The following CFAP99 variants were observed in gnomAD, a reference collection of about 807,000 sequenced individuals.
CFAP99 encodes cilia- and flagella-associated protein 99.
Under a neutral mutation model 82.7 loss-of-function variants are expected in CFAP99, and 84 were observed. The ratio of observed to expected loss-of-function variants is 1.02; its 90% CI spans 0.85 to 1.22. CFAP99 has a LOEUF of 1.22. CFAP99 is among the 50% of genes most tolerant of loss of function. CFAP99 has a pLI of 0.00. For synonymous variants in CFAP99, 456 were observed against 429.5 expected (o/e 1.06, Z -0.76); for missense variants, 1,059 against 983.5 (o/e 1.08, Z -1.03).
At chr4:2,459,550 G>A (rs565371085) in intron 13 of CFAP99, among the ~76,000 whole-genome samples, 1 of 152,334 alleles carries the variant, frequency 6.6e-6, no homozygotes, top group South Asian at 2.1e-4. Flanking sequence ...GTTGAGGGAG[G>A]GCCAGGGTGG....
At chr4:2,458,097 C>G (rs1001054663) in intron 11 of CFAP99, among the ~76,000 whole-genome samples, 3 of 152,218 alleles carry the variant, frequency 2.0e-5, no homozygotes, top group Non-Finnish European at 4.4e-5. Flanking sequence ...GCCTGAGGCG[C>G]CCAGCCGTCT....
intron 2 of CFAP99, chr4:2,426,832 G>A (rs763017967): frequency 2.3e-4 from 115 of 500,592 alleles, no homozygotes; most frequent in Non-Finnish European, 3.7e-4. Context: ...TCCACACTGC[G>A]GTTCCATCCT....
At chr4:2,459,197 C>A in exon 13 of CFAP99, 1 of 1,535,714 alleles carries the variant, frequency 6.5e-7, no homozygotes, top group Non-Finnish European at 8.7e-7. Context: ...GAACTCATCT[C>A]CCAGCTGCGC....
At chr4:2,455,084 G>A (rs747323457) in intron 11 of CFAP99, among the ~76,000 whole-genome samples, 1 of 152,216 alleles carries the variant, frequency 6.6e-6, no homozygotes, top group Non-Finnish European at 1.5e-5. Context: ...CTTTTTAGGA[G>A]AGACACAGTT....
In CFAP99 at chr4:2,462,702, G is replaced by C; in HGVS notation, c.1921G>C (p.Gly641Arg). 1.6e-6 allele frequency: 2 copies of C among 1,253,310 alleles called. No individual in the cohort carries two copies. The highest frequency in any genetic ancestry group is 2.0e-6 in the Non-Finnish European group (2 of 997,924). The allele number at this position is 1,253,310 out of a possible 1,614,324, so 77.6% of individuals were successfully genotyped here. A position where few individuals can be genotyped will look rare whatever the true frequency, so the allele number is the denominator to read the frequency against. ...CGCAGGGACCGGCGTCCCGGGGCGGGGATGGCGGGGAGATCGGGTCCGGTC... is the reference window on the plus strand; with the variant it reads ...CGCAGGGACCGGCGTCCCGGGGCGGCGATGGCGGGGAGATCGGGTCCGGTC... Residue 641 changes from glycine (G) to arginine (R), a missense_variant, in exon 15 of 15, where the codon GGA (glycine) becomes CGA (arginine). Coordinates refer to ENST00000635017, the Ensembl canonical transcript of CFAP99. This position sits in a 1 kb window ranked among gnomAD's most constrained non-coding sequence, Gnocchi z 4.1.
intron 1 of CFAP99, among the ~76,000 whole-genome samples, chr4:2,424,872 T>C (rs571736631): frequency 6.6e-6 from 1 of 152,342 alleles, no homozygotes; most frequent in South Asian, 2.1e-4. Flanking sequence ...AAGCTGCCAG[T>C]GGGCCTTGTC....
At chr4:2,419,131 G>C (rs889916890) in intron 1 of CFAP99, 38 bp downstream of exon 1, 2 of 152,164 alleles carry the variant, frequency 1.3e-5, no homozygotes, top group African/African-American at 4.8e-5. Flanking sequence ...ACGCGCCGCC[G>C]ATTTTCATGA....
At chr4:2,461,759 G>A (rs996513247) in intron 14 of CFAP99, among the ~76,000 whole-genome samples, 3 of 152,092 alleles carry the variant, frequency 2.0e-5, no homozygotes, top group African/African-American at 7.2e-5. Flanking sequence ...ATATCCTAAG[G>A]CTGTGAGGTC....
At chr4:2,449,690 G>A (rs763706120) in exon 7 of CFAP99, 2 of 1,536,008 alleles carry the variant, frequency 1.3e-6, no homozygotes, top group South Asian at 2.4e-5. Context: ...GCACCTACCA[G>A]CCACCCAAGG....
At chr4:2,460,333 AC>A (rs780431953) in intron 14 of CFAP99, 91 bp downstream of exon 14, 16 of 1,134,988 alleles carry the variant, frequency 1.4e-5, no homozygotes, top group Non-Finnish European at 1.9e-5. Context: ...TCTCCTAGAA[AC>A]AACCACCACC....
chr4:2,457,838 T>C (rs1734472487), intron 11 of CFAP99, among the ~76,000 whole-genome samples: 1 of 152,194 alleles, frequency 6.6e-6, no homozygotes. Flanking sequence ...CCTTGCTAGG[T>C]GTTGGCCCTG....
chr4:2,460,758 T>G (rs941979541), intron 14 of CFAP99, among the ~76,000 whole-genome samples: 3 of 152,148 alleles, frequency 2.0e-5, no homozygotes, highest in Non-Finnish European at 2.9e-5. Context: ...TTGTTTTTGT[T>G]TTTGTTTTTT....
chr4:2,459,061 G>T, intron 12 of CFAP99, 46 bp from the exon 13 acceptor site: 4 of 1,475,440 alleles, frequency 2.7e-6, no homozygotes, highest in African/African-American at 1.4e-5. Context: ...TCCAGCCCCT[G>T]CCCTGCCACC....
chr4:2,420,357 C>G (rs1269207822), intron 1 of CFAP99, among the ~76,000 whole-genome samples: 7 of 152,162 alleles, frequency 4.6e-5, no homozygotes, highest in Admixed American at 3.9e-4. Flanking sequence ...ACCATTTGGA[C>G]GCCTAACAGA....
chr4:2,426,095 C>T (rs1349505093), intron 1 of CFAP99, among the ~76,000 whole-genome samples: 1 of 152,194 alleles, frequency 6.6e-6, no homozygotes, highest in Admixed American at 6.5e-5. Context: ...CCGTGGGCCC[C>T]TTGCAGGGGT....
At chr4:2,451,165 G>T in intron 9 of CFAP99, 99 bp from the exon 10 acceptor site, 1 of 1,459,756 alleles carries the variant, frequency 6.9e-7, no homozygotes, top group South Asian at 1.2e-5. Context: ...GAAGCACCTG[G>T]GCAGGGGGCA....
chr4:2,442,345 G>T (rs1734062366), intron 4 of CFAP99, among the ~76,000 whole-genome samples: 1 of 152,172 alleles, frequency 6.6e-6, no homozygotes, highest in South Asian at 2.1e-4. Context: ...GAAATGGGAA[G>T]GGGTGGGAAA....
intron 4 of CFAP99, among the ~76,000 whole-genome samples, chr4:2,439,107 G>T (rs1733981943): frequency 6.6e-6 from 1 of 152,222 alleles, no homozygotes; most frequent in African/African-American, 2.4e-5. Flanking sequence ...GCTGCTGCCT[G>T]CTCACACTGA....
Position 2,446,226 on chromosome 4 carries a change from T to C in CFAP99, c.642+918T>C, listed in dbSNP as rs1375106774. 6.6e-6 allele frequency among the ~76,000 whole-genome samples: 1 copy of C among 152,202 alleles called. No individual in the cohort carries two copies. ...GTCCTTCACTTAGTTTACTTCTCACTGATCCTGGCTCCTTTTCTTCACCGA... is the reference window on the plus strand; with the variant it reads ...GTCCTTCACTTAGTTTACTTCTCACCGATCCTGGCTCCTTTTCTTCACCGA... On this transcript the variant is annotated intron_variant, in intron 6 of 14. Coordinates refer to ENST00000635017, the Ensembl canonical transcript of CFAP99. This position sits in a 1 kb window ranked among gnomAD's most constrained non-coding sequence, Gnocchi z 5.0.
Sources: allele counts gnomAD v4.1 joint callset (sites outside exome capture counted in the v4.1 genomes callset), GRCh38; gene constraint gnomAD v4.1.1; non-coding constraint Gnocchi (gnomAD v3.1); transcripts MANE v1.5; gene names NCBI Gene and HGNC (gene_info 2026-07-23, HGNC 2026-07-21).